ZNF765: variants seen among roughly 807,000 people sequenced by gnomAD.
The protein encoded by ZNF765 is zinc finger protein 765.
In ZNF765, 37 loss-of-function variants were observed where a neutral mutation model predicts 44.7. That is an observed-to-expected ratio of 0.83 (90% CI 0.64 to 1.09). The LOEUF is 1.09. ZNF765 is among the 50% of genes least tolerant of loss of function. The probability of loss-of-function intolerance (pLI) is 0.00; values close to 1 mark genes in which losing one functional copy is unlikely to be tolerated. For synonymous variants in ZNF765, 201 were observed against 213.7 expected (o/e 0.94, Z 0.52); for missense variants, 594 against 626.1 (o/e 0.95, Z 0.55).
At chr19:53,414,424 G>C (rs2085857679), downstream of ZNF765, among the ~76,000 whole-genome samples, 1 of 68,612 alleles carries the variant, frequency 1.5e-5, no homozygotes, top group African/African-American at 4.7e-5. Flanking sequence ...AGGATGGACT[G>C]ACCCTCCCCA....
chr19:53,425,137 A>G (rs1311695551), exon 4 of ZNF765: 1 of 152,256 alleles, frequency 6.6e-6, no homozygotes, highest in Non-Finnish European at 1.5e-5. Flanking sequence ...GACAGCGGCC[A>G]ACAGGCTGTG....
downstream of ZNF765, chr19:53,413,168 G>A: frequency 1.8e-6 from 1 of 570,818 alleles, no homozygotes; most frequent in African/African-American, 1.9e-5. Context: ...CTTGTGGTGT[G>A]TACTTGACTC....
chr19:53,402,999 A>T (rs1299138536), intron 3 of ZNF765, among the ~76,000 whole-genome samples: 1 of 151,814 alleles, frequency 6.6e-6, no homozygotes, highest in Non-Finnish European at 1.5e-5. Flanking sequence ...ACAGGGTGAA[A>T]CCCCCTCTCT....
In ZNF765 at chr19:53,408,087, C is replaced by G; in HGVS notation, c.532C>G (p.Gln178Glu). Residue 178 changes from glutamine to glutamate, a missense_variant, in exon 4 of 4, where the codon CAA (glutamine) becomes GAA (glutamate). This residue lies in a region of ZNF765 where 567 missense variants were observed against 572.6 expected (regional missense o/e 0.99). Transcript: ENST00000396408. ...IHDASLVSTA[Q>E]RISCRPETHI... The stretch of plus-strand genomic sequence containing the variant: ...CGATGCTTCCTTGGTTTCAACAGCC[C>G]AAAGAATTTCTTGTAGGCCTGAAAC... The G allele has an allele frequency of 1.2e-6, 2 of 1,614,124 alleles. No individual in the cohort carries two copies. The highest frequency in any genetic ancestry group is 2.2e-5 in the South Asian group (2 of 91,084).
intron 3 of ZNF765, among the ~76,000 whole-genome samples, chr19:53,421,310 C>A (rs908833092): frequency 2.0e-5 from 3 of 152,130 alleles, no homozygotes; most frequent in Non-Finnish European, 1.5e-5. Flanking sequence ...TAGTGATCAA[C>A]AAATACTGAG....
intron 3 of ZNF765, among the ~76,000 whole-genome samples, chr19:53,405,178 C>T (rs967107184): frequency 3.4e-4 from 52 of 152,160 alleles, no homozygotes; most frequent in Middle Eastern, 6.8e-3. Flanking sequence ...ATGTTGAAAC[C>T]CCGTCTCTAC....
exon 4 of ZNF765, chr19:53,427,303 ATTATAAC>A (rs2147112324): frequency 7.1e-6 from 1 of 141,122 alleles, no homozygotes; most frequent in East Asian, 2.0e-4. Context: ...GTAAAATTAA[ATTATAAC>A]TTGTAAGGCA....
intron 2 of ZNF765, 26 bp downstream of exon 2, chr19:53,398,056 TTC>T (rs60141574): frequency 0.029 from 46,478 of 1,613,798 alleles, 1,803 homozygotes; most frequent in East Asian, 0.2. Context: ...TGGTGGATTG[TTC>T]TGTCTCCTTC....
exon 4 of ZNF765, chr19:53,425,389 A>T (rs1235211819): frequency 6.6e-6 from 1 of 151,388 alleles, no homozygotes; most frequent in Admixed American, 6.6e-5. Context: ...GCTCAGTGCA[A>T]CCTCCCCACC....
intron 1 of ZNF765, among the ~76,000 whole-genome samples, chr19:53,396,719 T>C (rs2085674640): frequency 6.6e-6 from 1 of 152,238 alleles, no homozygotes; most frequent in African/African-American, 2.4e-5. Flanking sequence ...TGTTCTTCTT[T>C]TCTTTTTAAC....
At chr19:53,397,427 CAG>C (rs908103154) in intron 1 of ZNF765, among the ~76,000 whole-genome samples, 3 of 152,136 alleles carry the variant, frequency 2.0e-5, no homozygotes, top group Admixed American at 6.5e-5. Flanking sequence ...TTAGTAGAGA[CAG>C]GGTTTCACCA....
chr19:53,425,751 A>G (rs936193646), exon 4 of ZNF765: 1 of 152,550 alleles, frequency 6.6e-6, no homozygotes, highest in African/African-American at 2.4e-5. Flanking sequence ...ACAGGCAGAA[A>G]GAGACAAGCT....
intron 3 of ZNF765, among the ~76,000 whole-genome samples, chr19:53,421,057 C>A (rs1465079140): frequency 1.3e-5 from 2 of 152,160 alleles, no homozygotes; most frequent in African/African-American, 4.8e-5. Flanking sequence ...AGTGTAAAAC[C>A]TGGTTGTATG....
chr19:53,407,800 A>G lies in ZNF765; in HGVS notation c.245A>G (p.Asn82Ser), dbSNP rs375000182. 7.4e-6 allele frequency: 12 copies of G among 1,613,198 alleles called. No individual in the cohort carries two copies. The highest frequency in any genetic ancestry group is 1.6e-4 in the Middle Eastern group (1 of 6,082). The change falls in exon 4 of 4, where the codon AAT becomes AGT. Residue 82 changes from asparagine to serine, a missense_variant. This residue lies in a region of ZNF765 where 567 missense variants were observed against 572.6 expected (regional missense o/e 0.99). Transcript: ENST00000396408. Reference sequence around the variant, plus strand: ...TCTCAAAGACATGAAAGTCATCACAATGGAGATTTTTGTTTCCAGGATATT... The same window carrying G: ...TCTCAAAGACATGAAAGTCATCACAGTGGAGATTTTTGTTTCCAGGATATT... ...GTSQRHESHH[N>S]GDFCFQDIDK...
chr19:53,402,420 C>G (rs1362544618), intron 3 of ZNF765, among the ~76,000 whole-genome samples: 5 of 152,074 alleles, frequency 3.3e-5, no homozygotes, highest in Non-Finnish European at 5.9e-5. Context: ...ACATGCCTGG[C>G]TAATTTTTTG....
downstream of ZNF765, chr19:53,413,202 A>G (rs966674820): frequency 5.1e-6 from 3 of 585,656 alleles, no homozygotes; most frequent in East Asian, 1.3e-4. Flanking sequence ...ATCTTCTTAT[A>G]AGACTTTCAG....
chr19:53,399,529 A>G (rs1275533997), intron 2 of ZNF765, among the ~76,000 whole-genome samples: 1 of 152,050 alleles, frequency 6.6e-6, no homozygotes, highest in Non-Finnish European at 1.5e-5. Context: ...TTTTTTACAA[A>G]AATTAGCCTG....
At chr19:53,403,107 G>C (rs548792702) in intron 3 of ZNF765, among the ~76,000 whole-genome samples, 1 of 151,762 alleles carries the variant, frequency 6.6e-6, no homozygotes, top group East Asian at 1.9e-4. Flanking sequence ...AGGTTGCAGT[G>C]AGCCAAGATT....
intron 2 of ZNF765, 108 bp downstream of exon 2, chr19:53,398,138 C>A: frequency 6.3e-7 from 1 of 1,581,424 alleles, no homozygotes; most frequent in Non-Finnish European, 8.7e-7. Context: ...GACAGGTTTG[C>A]TCGCACTCAC....
Sources: gnomAD v4.1 joint callset for allele counts (sites outside exome capture counted in the v4.1 genomes callset) on GRCh38, gnomAD v4.1.1 for gene constraint, gnomAD v4.1.1 regional missense constraint, MANE v1.5 for transcripts, NCBI Gene and HGNC (gene_info 2026-07-23, HGNC 2026-07-21) for gene names.